The following LINGO2 variants were observed in gnomAD, a reference collection of about 807,000 sequenced individuals.
The protein encoded by LINGO2 is leucine rich repeat and Ig domain containing 2.
Under a neutral mutation model 30.6 loss-of-function variants are expected in LINGO2, and 14 were observed. The ratio of observed to expected loss-of-function variants is 0.46; its 90% CI spans 0.30 to 0.72. LINGO2 has a LOEUF of 0.72. Among genes scored for constraint, LINGO2 ranks in the 30% least tolerant of loss-of-function variants. The probability of loss-of-function intolerance (pLI) is 0.07; values close to 1 mark genes in which losing one functional copy is unlikely to be tolerated. For missense variants in LINGO2, 729 were observed against 751.7 expected, an observed-to-expected ratio of 0.97 and a Z score of 0.35; for synonymous variants, 317 against 288.5, an observed-to-expected ratio of 1.10 and a Z score of -1.00.
the LINGO2 span, among the ~76,000 whole-genome samples, chr9:28,697,164 A>G: frequency 6.6e-6 from 1 of 151,958 alleles, no homozygotes; most frequent in Non-Finnish European, 1.5e-5. Context: ...GGGAACTCAC[A>G]AGGCAACTAG....
At chr9:28,139,165 G>T (rs992339951) in intron 4 of LINGO2, among the ~76,000 whole-genome samples, 6 of 152,100 alleles carry the variant, frequency 3.9e-5, no homozygotes, top group African/African-American at 1.4e-4. Flanking sequence ...AGTGATGCAG[G>T]GTATGGACCT....
the LINGO2 span, among the ~76,000 whole-genome samples, chr9:28,824,737 T>A: frequency 1.5e-4 from 23 of 152,266 alleles, no homozygotes; most frequent in African/African-American, 5.5e-4. Flanking sequence ...ATTAGATATG[T>A]GGCTCTCATC....
At chr9:28,243,326 G>C (rs1053628629) in intron 4 of LINGO2, among the ~76,000 whole-genome samples, 2 of 151,944 alleles carry the variant, frequency 1.3e-5, no homozygotes, top group African/African-American at 2.4e-5. Context: ...CGGGTGTGGT[G>C]GTGGGTGCCT....
chr9:28,630,950 A>C (rs1300487757), intron 1 of LINGO2, among the ~76,000 whole-genome samples: 1 of 151,756 alleles, frequency 6.6e-6, no homozygotes, highest in Non-Finnish European at 1.5e-5. Flanking sequence ...TAAATGCATT[A>C]CTAGTGTTGA....
chr9:29,152,513 C>A, the LINGO2 span, among the ~76,000 whole-genome samples: 1 of 152,092 alleles, frequency 6.6e-6, no homozygotes, highest in Non-Finnish European at 1.5e-5. Context: ...TTGGATGCAA[C>A]TGGAGGTCAT....
intron 5 of LINGO2, among the ~76,000 whole-genome samples, chr9:28,003,355 A>AG (rs2119164376): frequency 7.8e-6 from 1 of 127,802 alleles, no homozygotes; most frequent in South Asian, 2.7e-4. Context: ...AGATAGATAG[A>AG]TAGATAGATA....
At chr9:28,293,618 A>G (rs1823817804) in intron 4 of LINGO2, among the ~76,000 whole-genome samples, 1 of 152,064 alleles carries the variant, frequency 6.6e-6, no homozygotes. Flanking sequence ...GGTATTGTCC[A>G]ATTCTTCTAA....
the LINGO2 span, among the ~76,000 whole-genome samples, chr9:28,906,938 T>G: frequency 6.6e-6 from 1 of 152,062 alleles, no homozygotes; most frequent in Admixed American, 6.6e-5. Context: ...TTCTTTTACC[T>G]AACCCACTTT....
chr9:28,124,011 C>T (rs1028318270), intron 4 of LINGO2, among the ~76,000 whole-genome samples: 5 of 152,122 alleles, frequency 3.3e-5, no homozygotes, highest in African/African-American at 1.2e-4. Flanking sequence ...TATATAATAT[C>T]CTAGGACTTT....
the LINGO2 span, among the ~76,000 whole-genome samples, chr9:28,981,378 T>C: frequency 7.1e-6 from 1 of 140,964 alleles, no homozygotes; most frequent in South Asian, 2.3e-4. Flanking sequence ...CCTTAGATTA[T>C]AAAACCACAA....
intron 1 of LINGO2, among the ~76,000 whole-genome samples, chr9:28,667,324 C>T (rs1828842213): frequency 6.6e-6 from 1 of 152,078 alleles, no homozygotes; most frequent in South Asian, 2.1e-4. Context: ...TCCCTTAGAA[C>T]CACAGCTATA....
At chr9:28,970,741 C>T in the LINGO2 span, among the ~76,000 whole-genome samples, 13 of 152,138 alleles carry the variant, frequency 8.5e-5, no homozygotes, top group Non-Finnish European at 1.2e-4. Flanking sequence ...TGAGTTCCTG[C>T]GATCCTTGAC....
At chr9:28,723,035 A>G in the LINGO2 span, among the ~76,000 whole-genome samples, 2 of 152,062 alleles carry the variant, frequency 1.3e-5, no homozygotes, top group Admixed American at 1.3e-4. Context: ...TCTGGTGGCA[A>G]ACTTGAGCAT....
chr9:28,771,937 T>C, the LINGO2 span, among the ~76,000 whole-genome samples: 1 of 152,094 alleles, frequency 6.6e-6, no homozygotes, highest in Non-Finnish European at 1.5e-5. Flanking sequence ...TATCTTTTTA[T>C]TTATCTACAC....
At chr9:29,091,408 A>AAT in the LINGO2 span, among the ~76,000 whole-genome samples, 14 of 151,616 alleles carry the variant, frequency 9.2e-5, no homozygotes, top group African/African-American at 2.9e-4. Flanking sequence ...TTCAAAAAAA[A>AAT]TTTTTTTGCT....
chr9:28,303,296 G>C (rs746257427), intron 3 of LINGO2, among the ~76,000 whole-genome samples: 2 of 152,156 alleles, frequency 1.3e-5, no homozygotes, highest in Non-Finnish European at 1.5e-5. Flanking sequence ...TTATTAGGAA[G>C]TTGTTGCTGA....
chr9:28,041,727 G>T (rs1824203107), intron 4 of LINGO2, among the ~76,000 whole-genome samples: 1 of 151,998 alleles, frequency 6.6e-6, no homozygotes, highest in Non-Finnish European at 1.5e-5. Flanking sequence ...ATCAGTTCAG[G>T]ACCACACATA....
the LINGO2 span, among the ~76,000 whole-genome samples, chr9:28,887,469 A>G: frequency 6.6e-6 from 1 of 152,052 alleles, no homozygotes; most frequent in African/African-American, 2.4e-5. Flanking sequence ...TGTTACTAAT[A>G]TTAAAGAGTA....
the LINGO2 span, among the ~76,000 whole-genome samples, chr9:29,168,058 C>T: frequency 6.6e-6 from 1 of 151,816 alleles, no homozygotes; most frequent in South Asian, 2.1e-4. Flanking sequence ...GTTTATTTGT[C>T]TTTTTTTAAT....
Sources: allele counts gnomAD v4.1 joint callset (sites outside exome capture counted in the v4.1 genomes callset), GRCh38; gene constraint gnomAD v4.1.1; transcripts MANE v1.5; gene names NCBI Gene and HGNC (gene_info 2026-07-23, HGNC 2026-07-21).